Variants in KCTD20 observed in about 807,000 individuals in gnomAD.
The protein encoded by KCTD20 is BTB/POZ domain-containing protein KCTD20.
KCTD20 carries 30 observed loss-of-function variants against 39.6 expected under a neutral mutation model. That is an observed-to-expected ratio of 0.76 (90% CI 0.57 to 1.03). The LOEUF is 1.03. Among genes scored for constraint, KCTD20 ranks in the 50% least tolerant of loss-of-function variants. The pLI, the probability that KCTD20 is intolerant of heterozygous loss-of-function variation, is 0.00. For synonymous variants in KCTD20, 162 were observed against 180.6 expected (o/e 0.90, Z 0.83); for missense variants, 422 against 522.0 (o/e 0.81, Z 1.87).
intron 2 of KCTD20, among the ~76,000 whole-genome samples, chr6:36,472,912 C>A (rs11754113): frequency 7.3e-6 from 1 of 137,268 alleles, no homozygotes; most frequent in African/African-American, 2.8e-5. Flanking sequence ...ATTTTTTTTT[C>A]TTTTTTGAGA....
rs574850882 is a variant in KCTD20 at position 36,486,274 on chromosome 6, T to C, written c.968-609T>C. 3.3e-5 allele frequency among the ~76,000 whole-genome samples: 5 copies of C among 152,296 alleles called. No homozygotes were observed. In the South Asian group the frequency reaches 8.3e-4, roughly 25 times the overall value. On this transcript the variant is annotated intron_variant, in intron 7 of 7. Transcript: ENST00000373731. Reference sequence around the variant, plus strand: ...CTCGGTCTTTCCCTTGTCTGTTAGGTGCATTTCCCAGAACAACCCATCAAA... The same window carrying C: ...CTCGGTCTTTCCCTTGTCTGTTAGGCGCATTTCCCAGAACAACCCATCAAA...
At chr6:36,464,068 T>C (rs1324197463) in intron 1 of KCTD20, among the ~76,000 whole-genome samples, 3 of 151,996 alleles carry the variant, frequency 2.0e-5, no homozygotes, top group Admixed American at 2.0e-4. Flanking sequence ...AGAGAAAAAA[T>C]ACACAGTAAC....
chr6:36,449,761 T>G (rs1775182035), intron 1 of KCTD20, among the ~76,000 whole-genome samples: 1 of 152,168 alleles, frequency 6.6e-6, no homozygotes, highest in Non-Finnish European at 1.5e-5. Flanking sequence ...ATGACTTCGT[T>G]TAAAAGGCAC....
intron 1 of KCTD20, among the ~76,000 whole-genome samples, chr6:36,444,657 G>T (rs1326528369): frequency 1.3e-5 from 2 of 152,292 alleles, no homozygotes; most frequent in East Asian, 3.9e-4. Context: ...TTTCAGTTCA[G>T]CTGGACGTTA....
intron 1 of KCTD20, among the ~76,000 whole-genome samples, chr6:36,457,435 C>T (rs1436921129): frequency 6.6e-6 from 1 of 152,140 alleles, no homozygotes; most frequent in Non-Finnish European, 1.5e-5. Context: ...AGGCCGGGTA[C>T]GGGGACTCAC....
At chr6:36,486,778 A>G in intron 7 of KCTD20, 105 bp from the exon 8 acceptor site, 1 of 898,570 alleles carries the variant, frequency 1.1e-6, no homozygotes, top group South Asian at 1.6e-5. Flanking sequence ...CATATTTTCC[A>G]TGCTGTGATT....
At chr6:36,476,098 C>T (rs906590184) in intron 3 of KCTD20, among the ~76,000 whole-genome samples, 1 of 152,172 alleles carries the variant, frequency 6.6e-6, no homozygotes, top group African/African-American at 2.4e-5. Flanking sequence ...TAAGGAGGAA[C>T]ACTGTCCAGG....
chr6:36,443,764 A>G (rs1368125409), intron 1 of KCTD20: 3 of 152,120 alleles, frequency 2.0e-5, no homozygotes, highest in African/African-American at 7.2e-5. Flanking sequence ...ACTATGAGAA[A>G]ACTCTTCTAT....
intron 6 of KCTD20, among the ~76,000 whole-genome samples, chr6:36,482,786 A>C (rs1237880927): frequency 6.6e-6 from 1 of 151,728 alleles, no homozygotes; most frequent in Non-Finnish European, 1.5e-5. Flanking sequence ...TCTCTATTAA[A>C]AATACAAAAA....
intron 2 of KCTD20, among the ~76,000 whole-genome samples, chr6:36,472,085 T>C (rs866640512): frequency 5.8e-4 from 88 of 152,276 alleles, no homozygotes; most frequent in African/African-American, 2.0e-3. Flanking sequence ...CCTGACCTCA[T>C]GATCCGCCCG....
chr6:36,471,895 C>T (rs1775920681), intron 2 of KCTD20, among the ~76,000 whole-genome samples: 1 of 150,434 alleles, frequency 6.6e-6, no homozygotes, highest in African/African-American at 2.5e-5. Flanking sequence ...GTTGCCCAGG[C>T]TGGAGTGCGG....
chr6:36,448,327 TG>T (rs1176576241), intron 1 of KCTD20, among the ~76,000 whole-genome samples: 1 of 152,174 alleles, frequency 6.6e-6, no homozygotes, highest in Non-Finnish European at 1.5e-5. Flanking sequence ...TTAAAAATTA[TG>T]GAGGAAAGTT....
chr6:36,470,254 G>T lies in KCTD20; in HGVS notation c.157G>T (p.Glu53Ter). 6.2e-7 allele frequency: 1 copy of T among 1,609,450 alleles called. No homozygotes were observed. The highest frequency in any genetic ancestry group is 8.5e-7 in the Non-Finnish European group (1 of 1,177,166). ...TACTTATCCTCTAGGTCCCAGGAAT[G>T]AAGGTACAGTGATTAACTCTTGACT... ...NLTYPLGPRNEDLSLDYASQP... is the reference protein window; with the variant it reads ...NLTYPLGPRN Residue 53 changes from glutamate to a stop codon, truncating the protein, a stop_gained, in exon 2 of 8, where the codon GAA becomes TAA. Coordinates refer to ENST00000373731, the MANE Select transcript of KCTD20 (RefSeq NM_173562.5). LOFTEE classifies it high-confidence loss of function.
At chr6:36,458,540 T>TG (rs1775505636) in intron 1 of KCTD20, among the ~76,000 whole-genome samples, 1 of 68,398 alleles carries the variant, frequency 1.5e-5, no homozygotes, top group East Asian at 5.9e-4. Context: ...AAACTCCATC[T>TG]CAAAAAAAAA....
rs575729979 is a variant in KCTD20 at position 36,479,960 on chromosome 6, T to C, written c.658+249T>C. ...CATACCTGCCACCACACCTGGCTAA[T>C]TTTTGTATTTTTAGTAGAGATAGGG... On this transcript the variant is annotated intron_variant, in intron 5 of 7. Transcript: ENST00000373731. 5.9e-5 allele frequency among the ~76,000 whole-genome samples: 9 copies of C among 152,022 alleles called. No homozygotes were observed. The South Asian group carries it at 1.9e-3, about 32-fold the overall frequency.
rs139595346 is a variant in KCTD20 at position 36,469,747 on chromosome 6, A to AT, written c.-46-303dup. 5.7e-3 allele frequency among the ~76,000 whole-genome samples: 875 copies of AT among 152,330 alleles called. 8 individuals carry two copies. Among genetic ancestry groups the AT allele is most frequent in the African/African-American group, 0.02 (830 of 41,564 alleles). On this transcript the variant is annotated intron_variant, in intron 1 of 7. Transcript: ENST00000373731. The surrounding 1 kb of genome is among the most constrained non-coding windows in gnomAD (Gnocchi z 4.6). ...GTCTCTGTAATATGAATACCACAAA[A>AT]TTATTGTACCACCATTTAATGTAGA...
At chr6:36,446,882 A>G (rs1198190442) in intron 1 of KCTD20, among the ~76,000 whole-genome samples, 1 of 152,210 alleles carries the variant, frequency 6.6e-6, no homozygotes, top group Non-Finnish European at 1.5e-5. Context: ...TAATGGCTTA[A>G]TAATTAGTAT....
rs1450560164 is a variant in KCTD20 at position 36,452,998 on chromosome 6, GCTTT to G, written c.-47+9888_-47+9891del. On this transcript the variant is annotated intron_variant, in intron 1 of 7. Coordinates refer to ENST00000373731, the MANE Select transcript of KCTD20 (RefSeq NM_173562.5). ...TTTTTAGGGCTTATCAGTTTTCTTA[GCTTT>G]TTTTTTTTTTTTTTTTTTTTTTGGA... 1.0e-4 allele frequency among the ~76,000 whole-genome samples: 11 copies of G among 110,050 alleles called. No homozygotes were observed. In the East Asian group the frequency reaches 3.2e-3, roughly 32 times the overall value. The allele number at this position is 110,050 out of a possible 152,430, so 72.2% of individuals were successfully genotyped here.
chr6:36,444,361 GC>G (rs1774972333), intron 1 of KCTD20, among the ~76,000 whole-genome samples: 1 of 152,230 alleles, frequency 6.6e-6, no homozygotes, highest in Non-Finnish European at 1.5e-5. Flanking sequence ...CTCTCCAGAA[GC>G]CAATATGAGA....
Sources: gnomAD v4.1 joint callset for allele counts (sites outside exome capture counted in the v4.1 genomes callset) on GRCh38, gnomAD v4.1.1 for gene constraint, Gnocchi (gnomAD v3.1) non-coding constraint, MANE v1.5 for transcripts, NCBI Gene and HGNC (gene_info 2026-07-23, HGNC 2026-07-21) for gene names.